The following ALKBH1 variants were observed in gnomAD, a reference collection of about 807,000 sequenced individuals.
ALKBH1 encodes the protein alkB homolog 1, histone H2A dioxygenase, also known as nucleic acid dioxygenase ALKBH1.
A neutral mutation model predicts 36.6 loss-of-function variants in ALKBH1; 31 were observed. The observed-to-expected ratio is 0.85, with a 90% CI of 0.64 to 1.14. The LOEUF is 1.14. Ranked by LOEUF, ALKBH1 falls within the 50% of genes most tolerant of loss-of-function variation. The probability of loss-of-function intolerance (pLI) is 0.00; values close to 1 mark genes in which losing one functional copy is unlikely to be tolerated. For synonymous variants in ALKBH1, 183 were observed against 186.6 expected, an observed-to-expected ratio of 0.98 and a Z score of 0.16; for missense variants, 490 against 497.3, an observed-to-expected ratio of 0.99 and a Z score of 0.14.
intron 5 of ALKBH1, among the ~76,000 whole-genome samples, chr14:77,674,952 C>A (rs13379065): frequency 0.18 from 27,239 of 152,074 alleles, 2,565 homozygotes; most frequent in East Asian, 0.26. Context: ...AAGGCACTTT[C>A]CCGAGATGCA....
At chr14:77,706,761 T>C (rs1034671573) in intron 1 of ALKBH1, among the ~76,000 whole-genome samples, 7 of 152,194 alleles carry the variant, frequency 4.6e-5, no homozygotes, top group African/African-American at 1.7e-4. Context: ...TATTGGGGTG[T>C]GGACTTTCTG....
At chr14:77,689,962 C>T (rs942695471) in intron 3 of ALKBH1, among the ~76,000 whole-genome samples, 1 of 151,998 alleles carries the variant, frequency 6.6e-6, no homozygotes, top group Non-Finnish European at 1.5e-5. Flanking sequence ...TCAAGGCAGC[C>T]TGGGCAACAT....
At chr14:77,704,218 C>G in intron 2 of ALKBH1, 151 bp downstream of exon 2, 1 of 603,312 alleles carries the variant, frequency 1.7e-6, no homozygotes, top group South Asian at 1.9e-5. Context: ...AGACAAGGTA[C>G]AGTCTAGAAT....
At chr14:77,683,222 G>T in intron 3 of ALKBH1, 2 of 695,402 alleles carry the variant, frequency 2.9e-6, no homozygotes, top group Non-Finnish European at 2.7e-6. Context: ...AATCCATAGA[G>T]AATAGGTTCC....
intron 4 of ALKBH1, among the ~76,000 whole-genome samples, 158 bp downstream of exon 4, chr14:77,679,722 C>T (rs959865420): frequency 2.0e-5 from 3 of 152,172 alleles, no homozygotes; most frequent in African/African-American, 7.2e-5. Flanking sequence ...TGAGCCACGG[C>T]ACCTGGCCCA....
In ALKBH1 at chr14:77,673,564, T is replaced by G. The variant is rs2080187697; in HGVS notation, c.*248A>C. On this transcript the variant is annotated 3_prime_UTR_variant, in exon 6 of 6. Transcript: ENST00000216489. The stretch of plus-strand genomic sequence containing the variant: ...GGCTGTTGTGGAAGAACATACCTCC[T>G]TGGACTGACTTCTCAACATACATTA... 2.0e-6 allele frequency: 1 copy of G among 510,110 alleles called. No individual in the cohort carries two copies. The highest frequency in any genetic ancestry group is 3.6e-5 in the Admixed American group (1 of 28,038). 31.6% of individuals were successfully genotyped at this position (510,110 alleles called of 1,614,324 possible). A position where few individuals can be genotyped will look rare whatever the true frequency, so the allele number is the denominator to read the frequency against.
rs772566848 is a variant in ALKBH1, at chr14:77,704,422, G to C, written c.239C>G (p.Ala80Gly). The change falls in exon 2 of 6, where the codon GCA becomes GGA. Residue 80 changes from alanine to glycine, a missense_variant. Physicochemically the swap from Ala to Gly is moderately conservative, Grantham distance 60. Coordinates refer to ENST00000216489, the MANE Select transcript of ALKBH1 (RefSeq NM_006020.3). ...SSVSEQNAYR[A>G]GLQPVSKWQA... ...CCACTTGCTGACGGGCTGAAGACCT[G>C]CTCTATATGCATTCTGCTCACTGAC... The C allele has an allele frequency of 1.2e-6, 2 of 1,614,144 alleles. No individual in the cohort carries two copies. Among genetic ancestry groups the C allele is most frequent in the Non-Finnish European group, 1.7e-6 (2 of 1,180,010 alleles).
chr14:77,674,193 C>T lies in ALKBH1; in HGVS notation c.789G>A (p.Glu263=). 9 of 1,613,430 alleles carry T rather than the reference C, an allele frequency of 5.6e-6. No individual in the cohort carries two copies. Among genetic ancestry groups the T allele is most frequent in the Non-Finnish European group, 7.6e-6 (9 of 1,179,646 alleles). Reference sequence around the variant, plus strand: ...TGTGCATAAACATGGCCGTGGGGGCCTCATCCCTTTGAAGACCACCCAGGA... The same window carrying T: ...TGTGCATAAACATGGCCGTGGGGGCTTCATCCCTTTGAAGACCACCCAGGA... ...IFLLGGLQRD[E]APTAMFMHSG... is the part of the protein sequence containing the mutation. The change falls in exon 6 of 6, where the codon GAG becomes GAA. Residue 263 remains glutamate, a synonymous_variant. Transcript: ENST00000216489.
intron 3 of ALKBH1, among the ~76,000 whole-genome samples, chr14:77,691,101 T>C (rs955202252): frequency 6.6e-6 from 1 of 152,138 alleles, no homozygotes; most frequent in Non-Finnish European, 1.5e-5. Context: ...GTGCCCGGCC[T>C]GCACATAACT....
intron 3 of ALKBH1, among the ~76,000 whole-genome samples, chr14:77,693,508 G>C (rs199705434): frequency 1.3e-5 from 2 of 152,134 alleles, no homozygotes; most frequent in Admixed American, 1.3e-4. Context: ...CTGAATAAAC[G>C]TAAGAAAGTA....
At position 77,699,653 on chromosome 14, in the gene ALKBH1, GACAA is replaced by G. The variant is rs201782217; in HGVS notation, c.292+4712_292+4715del. On this transcript the variant is annotated intron_variant, in intron 2 of 5. Transcript: ENST00000216489. ...CAAGGCTAGCACACATTTGAGATAA[GACAA>G]ACAAACAATCTGGGATACGACAAAC... 1.0e-2 allele frequency among the ~76,000 whole-genome samples: 1,516 copies of G among 152,290 alleles called. 30 individuals carry two copies. Among genetic ancestry groups the G allele is most frequent in the African/African-American group, 0.035 (1,442 of 41,536 alleles).
At chr14:77,683,305 T>C in intron 3 of ALKBH1, 1 of 746,186 alleles carries the variant, frequency 1.3e-6, no homozygotes, top group Middle Eastern at 3.7e-4. Flanking sequence ...GCACTTCAGT[T>C]GAACTCAGGT....
At chr14:77,691,314 T>C (rs1396740828) in intron 3 of ALKBH1, among the ~76,000 whole-genome samples, 2 of 152,180 alleles carry the variant, frequency 1.3e-5, no homozygotes, top group East Asian at 1.9e-4. Flanking sequence ...TTCTAGAAAA[T>C]TAAAACCAAA....
At chr14:77,678,604 C>G (rs774253700) in intron 4 of ALKBH1, among the ~76,000 whole-genome samples, 5 of 150,964 alleles carry the variant, frequency 3.3e-5, no homozygotes, top group Non-Finnish European at 5.9e-5. Flanking sequence ...ATGGTCTATA[C>G]CAATATTTTT....
chr14:77,683,260 C>A, intron 3 of ALKBH1: 1 of 734,516 alleles, frequency 1.4e-6, no homozygotes, highest in Non-Finnish European at 2.5e-6. Flanking sequence ...CCCATTTGTT[C>A]TCACAAAGTG....
In ALKBH1 at chr14:77,683,140, C is replaced by T; in HGVS notation, c.456-3170G>A. On this transcript the variant is annotated intron_variant, in intron 3 of 5. Coordinates refer to ENST00000216489, the MANE Select transcript of ALKBH1 (RefSeq NM_006020.3). ...GTGCTAAGTGAGGCATCACACCAAG[C>T]TGTAAAGTCTTTTTTTTTTTTTTTT... 3 of 541,598 alleles carry T rather than the reference C, an allele frequency of 5.5e-6. No individual in the cohort carries two copies. The South Asian group carries it at 6.4e-5, about 12-fold the overall frequency. The allele number at this position is 541,598 out of a possible 1,614,324, so 33.5% of individuals were successfully genotyped here.
Position 77,690,916 on chromosome 14 carries a change from C to T in ALKBH1, c.455+3822G>A, listed in dbSNP as rs556443846. Among the ~76,000 whole-genome samples the T allele has an allele frequency of 6.6e-5, 10 of 152,296 alleles. No homozygotes were observed. In the South Asian group the frequency reaches 2.1e-3, roughly 32 times the overall value. On this transcript the variant is annotated intron_variant, in intron 3 of 5. Transcript: ENST00000216489. ...TCCCGGGTTCAAGTGATTCTCCGGC[C>T]TCTGCCTCCTGAGTAGCTGGGATTA...
At chr14:77,692,893 T>C (rs1230702526) in intron 3 of ALKBH1, among the ~76,000 whole-genome samples, 1 of 144,378 alleles carries the variant, frequency 6.9e-6, no homozygotes, top group Non-Finnish European at 1.5e-5. Context: ...CACACCACTA[T>C]GCCCAGCTAA....
intron 1 of ALKBH1, among the ~76,000 whole-genome samples, chr14:77,707,600 T>G (rs1362294617): frequency 6.6e-6 from 1 of 152,200 alleles, no homozygotes; most frequent in African/African-American, 2.4e-5. Flanking sequence ...CTCTTTTGAC[T>G]GAGCGCCCCC....
Sources: allele counts gnomAD v4.1 joint callset (sites outside exome capture counted in the v4.1 genomes callset), GRCh38; gene constraint gnomAD v4.1.1; transcripts MANE v1.5; gene names NCBI Gene and HGNC (gene_info 2026-07-23, HGNC 2026-07-21).